The following KLF12 variants were observed in gnomAD, a reference collection of about 807,000 sequenced individuals.
KLF12 encodes the protein Krueppel-like factor 12.
Under a neutral mutation model 37.8 loss-of-function variants are expected in KLF12, and 9 were observed. The observed-to-expected ratio is 0.24, with a 90% CI of 0.14 to 0.42. The LOEUF (loss-of-function observed/expected upper bound fraction) is 0.42, where lower values mean the gene tolerates loss of function less well. Ranked by LOEUF, KLF12 falls within the 10% of genes least tolerant of loss-of-function variation. KLF12 has a pLI of 1.00. For synonymous variants in KLF12, 208 were observed against 202.1 expected (o/e 1.03, Z -0.25); for missense variants, 411 against 516.0 (o/e 0.80, Z 1.97).
At chr13:73,906,531 T>C (rs1470603542) in intron 3 of KLF12, among the ~76,000 whole-genome samples, 1 of 152,246 alleles carries the variant, frequency 6.6e-6, no homozygotes, top group African/African-American at 2.4e-5. Context: ...ATCTTCCTGA[T>C]TACTGTCAAC....
intron 3 of KLF12, among the ~76,000 whole-genome samples, chr13:73,874,479 A>T (rs529639606): frequency 2.0e-5 from 3 of 152,202 alleles, no homozygotes; most frequent in African/African-American, 7.2e-5. Flanking sequence ...TGCCCTTTTT[A>T]CAATAAGTTC....
At chr13:73,946,490 T>C (rs748569678) in intron 2 of KLF12, among the ~76,000 whole-genome samples, 1 of 152,248 alleles carries the variant, frequency 6.6e-6, no homozygotes, top group Non-Finnish European at 1.5e-5. Context: ...AGTATCACTA[T>C]ATATTCATGA....
the KLF12 span, among the ~76,000 whole-genome samples, chr13:74,233,237 G>A: frequency 6.6e-6 from 1 of 152,014 alleles, no homozygotes; most frequent in African/African-American, 2.4e-5. Flanking sequence ...GTTGTTGTCG[G>A]CCTACATGGG....
chr13:74,177,401 G>A, the KLF12 span, among the ~76,000 whole-genome samples: 12 of 152,162 alleles, frequency 7.9e-5, no homozygotes, highest in African/African-American at 2.9e-4. Context: ...CCAGCCCTGC[G>A]TAAAGCACTT....
At chr13:74,170,272 A>G in the KLF12 span, among the ~76,000 whole-genome samples, 1 of 152,244 alleles carries the variant, frequency 6.6e-6, no homozygotes, top group Non-Finnish European at 1.5e-5. Context: ...CTCTGCTTTC[A>G]ATGTCAGTGT....
intron 4 of KLF12, among the ~76,000 whole-genome samples, chr13:73,817,349 C>CAAAAAAAAAAAAAAA (rs71199824): frequency 7.5e-6 from 1 of 132,536 alleles, no homozygotes; most frequent in Admixed American, 7.5e-5. Flanking sequence ...AAAAGAAAAA[C>CAAAAAAAAAAAAAAA]AAAAAAAAAA....
intron 1 of KLF12, among the ~76,000 whole-genome samples, chr13:73,995,264 A>G (rs1022698976): frequency 1.3e-5 from 2 of 152,164 alleles, no homozygotes; most frequent in African/African-American, 4.8e-5. Context: ...AACACCAGCT[A>G]TGACACTAGG....
At chr13:74,222,903 T>C in the KLF12 span, among the ~76,000 whole-genome samples, 2 of 152,188 alleles carry the variant, frequency 1.3e-5, no homozygotes, top group African/African-American at 4.8e-5. Flanking sequence ...CAAACAATAG[T>C]GGAATGAATC....
chr13:74,233,100 G>T, the KLF12 span, among the ~76,000 whole-genome samples: 1 of 152,144 alleles, frequency 6.6e-6, no homozygotes, highest in Non-Finnish European at 1.5e-5. Context: ...AGCCAGGATG[G>T]TCTTGATCTC....
the KLF12 span, among the ~76,000 whole-genome samples, chr13:74,304,634 C>G: frequency 6.6e-6 from 1 of 151,846 alleles, no homozygotes; most frequent in Non-Finnish European, 1.5e-5. Context: ...AAAGAAAGGA[C>G]GATAATTTCA....
At chr13:74,053,424 G>A (rs1318490834) in intron 1 of KLF12, among the ~76,000 whole-genome samples, 5 of 152,098 alleles carry the variant, frequency 3.3e-5, no homozygotes, top group African/African-American at 1.2e-4. Flanking sequence ...GTCAGGCACT[G>A]TCCTAAGTCC....
chr13:74,237,296 T>A, the KLF12 span, among the ~76,000 whole-genome samples: 20 of 143,724 alleles, frequency 1.4e-4, no homozygotes, highest in Non-Finnish European at 2.7e-4. Flanking sequence ...GTTCCATTGA[T>A]CTATATCTCT....
chr13:73,902,147 T>C (rs1888069980), intron 3 of KLF12, among the ~76,000 whole-genome samples: 1 of 152,188 alleles, frequency 6.6e-6, no homozygotes, highest in South Asian at 2.1e-4. Context: ...AAAGTGTAAT[T>C]ACTTGGACTT....
In KLF12 at chr13:73,720,779, G is replaced by C. The variant is rs532731933; in HGVS notation, c.870-5254C>G. On this transcript the variant is annotated intron_variant, in intron 6 of 7. Coordinates refer to ENST00000377669, the MANE Select transcript of KLF12 (RefSeq NM_007249.5). The stretch of plus-strand genomic sequence containing the variant: ...AAGGCGCCACATGGCTGCCATGAAA[G>C]AAATTAGGGATAACTGTAATCAGCC... 4.6e-5 allele frequency among the ~76,000 whole-genome samples: 7 copies of C among 152,300 alleles called. No homozygotes were observed. The South Asian group carries it at 1.5e-3, about 32-fold the overall frequency.
intron 6 of KLF12, among the ~76,000 whole-genome samples, chr13:73,755,792 A>T (rs1349588671): frequency 6.6e-6 from 1 of 151,030 alleles, no homozygotes; most frequent in Non-Finnish European, 1.5e-5. Flanking sequence ...CCATTCTATG[A>T]TTCTTATGCT....
chr13:74,112,563 A>G (rs189766982), intron 1 of KLF12, among the ~76,000 whole-genome samples: 195 of 152,166 alleles, frequency 1.3e-3, no homozygotes, highest in Non-Finnish European at 2.4e-3. Context: ...TTGCATCTGT[A>G]TTGGTGACCT....
At chr13:74,244,062 A>C in the KLF12 span, among the ~76,000 whole-genome samples, 2 of 152,246 alleles carry the variant, frequency 1.3e-5, no homozygotes, top group African/African-American at 2.4e-5. Flanking sequence ...TCATTATCAC[A>C]GTTCCTGCTG....
the KLF12 span, among the ~76,000 whole-genome samples, chr13:74,186,596 C>A: frequency 6.6e-6 from 1 of 152,300 alleles, no homozygotes; most frequent in Non-Finnish European, 1.5e-5. Flanking sequence ...CTGAGGATAG[C>A]AGCTGTGTAA....
intron 1 of KLF12, among the ~76,000 whole-genome samples, chr13:74,106,162 A>G (rs1876639857): frequency 6.6e-6 from 1 of 152,198 alleles, no homozygotes; most frequent in Non-Finnish European, 1.5e-5. Context: ...TAAAGGCTCC[A>G]TGTATATTTT....
Sources: gnomAD v4.1 joint callset for allele counts (sites outside exome capture counted in the v4.1 genomes callset) on GRCh38, gnomAD v4.1.1 for gene constraint, MANE v1.5 for transcripts, NCBI Gene and HGNC (gene_info 2026-07-23, HGNC 2026-07-21) for gene names.